The following ULK4 variants were observed in gnomAD, a reference collection of about 807,000 sequenced individuals.
ULK4 encodes the protein unc-51 like kinase 4.
Under a neutral mutation model 160.6 loss-of-function variants are expected in ULK4, and 133 were observed. That is an observed-to-expected ratio of 0.83 (90% CI 0.72 to 0.96). ULK4 has a LOEUF of 0.96. Among genes scored for constraint, ULK4 ranks in the 40% least tolerant of loss-of-function variants. ULK4 has a pLI of 0.00. For synonymous variants in ULK4, 534 were observed against 539.8 expected, an observed-to-expected ratio of 0.99 and a Z score of 0.15; for missense variants, 1,580 against 1,499.5, an observed-to-expected ratio of 1.05 and a Z score of -0.89.
rs1299424834 is a variant in ULK4 at position 41,934,354 on chromosome 3, C to T, written c.378+1447G>A. ...TTTCTTTTTTAGGTTTAATTATATT[C>T]TCATACAGATGGCCTGCAAAAATAA... On this transcript the variant is annotated intron_variant, in intron 4 of 36. Coordinates refer to ENST00000301831, the MANE Select transcript of ULK4 (RefSeq NM_017886.4). Among the ~76,000 whole-genome samples the T allele has an allele frequency of 2.6e-5, 4 of 152,126 alleles. No homozygotes were observed. In the East Asian group the frequency reaches 7.7e-4, roughly 29 times the overall value.
chr3:41,858,878 T>C (rs2042434836), intron 17 of ULK4, among the ~76,000 whole-genome samples: 1 of 152,092 alleles, frequency 6.6e-6, no homozygotes, highest in Admixed American at 6.6e-5. Flanking sequence ...AATAAATTCA[T>C]CCTGAAAATA....
Position 41,898,478 on chromosome 3 carries a change from T to C in ULK4, c.1302A>G (p.Pro434=). Residue 434 remains proline (P), a synonymous_variant, in exon 14 of 37, where the codon CCA becomes CCG. Transcript: ENST00000301831. ...ATATTTTTGCATCAAATTTAACTGG[T>C]GGCTGTTTCATTATCTGTGGTTTAA... ...IIDNPKIMKQ[P]PVKFDAKILH... is the part of the protein sequence containing the mutation. 1 of 1,596,176 alleles carries C rather than the reference T, an allele frequency of 6.3e-7. No homozygotes were observed. Among genetic ancestry groups the C allele is most frequent in the Admixed American group, 1.8e-5 (1 of 56,410 alleles).
intron 34 of ULK4, among the ~76,000 whole-genome samples, chr3:41,400,528 A>G (rs980968905): frequency 6.6e-6 from 1 of 152,204 alleles, no homozygotes; most frequent in Non-Finnish European, 1.5e-5. Flanking sequence ...TCTTTTTATT[A>G]CTGAGTACTA....
intron 2 of ULK4, among the ~76,000 whole-genome samples, chr3:41,952,229 T>TAC (rs1334791466): frequency 6.6e-6 from 1 of 152,148 alleles, no homozygotes; most frequent in Non-Finnish European, 1.5e-5. Flanking sequence ...TAAACTTTAG[T>TAC]ACATCAAAAG....
At chr3:41,261,556 G>A (rs563326685) in intron 35 of ULK4, among the ~76,000 whole-genome samples, 1 of 152,298 alleles carries the variant, frequency 6.6e-6, no homozygotes, top group South Asian at 2.1e-4. Context: ...ACTAAGCCGT[G>A]TTTCTAGCCC....
At chr3:41,845,443 T>C (rs2042048452) in intron 17 of ULK4, among the ~76,000 whole-genome samples, 1 of 152,112 alleles carries the variant, frequency 6.6e-6, no homozygotes, top group Admixed American at 6.5e-5. Flanking sequence ...TTACAAACCA[T>C]ATGACTATTT....
intron 17 of ULK4, among the ~76,000 whole-genome samples, chr3:41,860,705 C>T (rs1353221524): frequency 6.6e-6 from 1 of 152,098 alleles, no homozygotes; most frequent in East Asian, 1.9e-4. Flanking sequence ...AGAGTTTAGT[C>T]CATTTACATT....
intron 30 of ULK4, among the ~76,000 whole-genome samples, chr3:41,622,132 G>A (rs760845450): frequency 6.6e-5 from 10 of 152,214 alleles, no homozygotes; most frequent in Non-Finnish European, 1.5e-4. Context: ...CAAGGCTGTG[G>A]AGAAATAGGA....
At chr3:41,438,108 T>TAA (rs11457444) in intron 34 of ULK4, among the ~76,000 whole-genome samples, 3,386 of 122,842 alleles carry the variant, frequency 0.028, 88 homozygotes, top group African/African-American at 0.072. Context: ...TGTTTATTGT[T>TAA]AAAAAAAAAA....
chr3:41,342,053 A>G (rs1398303801), intron 35 of ULK4, among the ~76,000 whole-genome samples: 1 of 152,204 alleles, frequency 6.6e-6, no homozygotes, highest in Non-Finnish European at 1.5e-5. Context: ...AGTTTATGAT[A>G]AGAACTGGAA....
chr3:41,350,643 A>T (rs1416805413), intron 35 of ULK4, among the ~76,000 whole-genome samples: 1 of 152,154 alleles, frequency 6.6e-6, no homozygotes, highest in Non-Finnish European at 1.5e-5. Context: ...GTTTACTCTT[A>T]ACTGTCTTTC....
chr3:41,689,821 G>A (rs1404675727), intron 27 of ULK4, among the ~76,000 whole-genome samples: 2 of 151,310 alleles, frequency 1.3e-5, no homozygotes, highest in African/African-American at 4.9e-5. Flanking sequence ...GGAGAAATAG[G>A]AACACTTTTA....
rs2035286321 is a variant in ULK4, at chr3:41,664,398, CCT to C, written c.2979-701_2979-700del. Among the ~76,000 whole-genome samples, 5 of 152,086 alleles carry C rather than the reference CCT, an allele frequency of 3.3e-5. No homozygotes were observed. The South Asian group carries it at 1.0e-3, about 31-fold the overall frequency. ...ATGTCATGTGCCGGTTTCCTTATGTCCTCTGTCTTCCATGAGGGGTCACACGC... is the reference window on the plus strand; with the variant it reads ...ATGTCATGTGCCGGTTTCCTTATGTCCTGTCTTCCATGAGGGGTCACACGC... On this transcript the variant is annotated intron_variant, in intron 29 of 36. Coordinates refer to ENST00000301831, the MANE Select transcript of ULK4 (RefSeq NM_017886.4).
At chr3:41,572,614 A>AC (rs982361070) in intron 31 of ULK4, among the ~76,000 whole-genome samples, 13 of 151,200 alleles carry the variant, frequency 8.6e-5, no homozygotes, top group African/African-American at 3.2e-4. Context: ...CAAAAAAAAA[A>AC]AATTGGCCCG....
At chr3:41,634,499 G>A (rs1392835645) in intron 30 of ULK4, among the ~76,000 whole-genome samples, 1 of 152,202 alleles carries the variant, frequency 6.6e-6, no homozygotes, top group Non-Finnish European at 1.5e-5. Context: ...AATGGCGTCA[G>A]ACAGAGAAAA....
intron 32 of ULK4, among the ~76,000 whole-genome samples, chr3:41,489,215 T>C (rs1260789024): frequency 6.6e-6 from 1 of 152,200 alleles, no homozygotes; most frequent in Non-Finnish European, 1.5e-5. Flanking sequence ...TGTTTTCTAT[T>C]TTTCTTACTA....
At chr3:41,734,583 A>C (rs2037962312) in intron 22 of ULK4, among the ~76,000 whole-genome samples, 1 of 152,172 alleles carries the variant, frequency 6.6e-6, no homozygotes, top group Non-Finnish European at 1.5e-5. Context: ...AAAGAGAAAA[A>C]AAAGAAGGCT....
intron 16 of ULK4, among the ~76,000 whole-genome samples, chr3:41,892,726 T>C (rs980005867): frequency 1.4e-4 from 22 of 152,322 alleles, no homozygotes; most frequent in African/African-American, 5.1e-4. Flanking sequence ...CAGATAGTTA[T>C]CAAGGAACTG....
rs1311824444 is a variant in ULK4, at chr3:41,540,238, G to A, written c.3226+25787C>T. 1.4e-4 allele frequency among the ~76,000 whole-genome samples: 21 copies of A among 151,230 alleles called. 1 individual carries two copies. Among genetic ancestry groups the A allele is most frequent in the South Asian group, 6.3e-4 (3 of 4,800 alleles). On this transcript the variant is annotated intron_variant, in intron 32 of 36. Transcript: ENST00000301831. ...CCCATCCCCCAATAGGCCCCAGTGTGTGATGCGTTCGCATTGTTCAACTCC... is the reference window on the plus strand; with the variant it reads ...CCCATCCCCCAATAGGCCCCAGTGTATGATGCGTTCGCATTGTTCAACTCC...
Sources: allele counts gnomAD v4.1 joint callset (sites outside exome capture counted in the v4.1 genomes callset), GRCh38; gene constraint gnomAD v4.1.1; transcripts MANE v1.5; gene names NCBI Gene and HGNC (gene_info 2026-07-23, HGNC 2026-07-21).